AQP4: variants seen among roughly 807,000 people sequenced by gnomAD.
The protein encoded by AQP4 is aquaporin-4.
Under a neutral mutation model 27.8 loss-of-function variants are expected in AQP4, and 18 were observed. The ratio of observed to expected loss-of-function variants is 0.65; its 90% CI spans 0.45 to 0.96. The LOEUF (loss-of-function observed/expected upper bound fraction) is 0.96. Ranked by LOEUF, AQP4 falls within the 40% of genes least tolerant of loss-of-function variation. The pLI is 0.00. For missense variants in AQP4, 412 were observed against 408.2 expected (o/e 1.01, Z -0.08); for synonymous variants, 141 against 142.9 (o/e 0.99, Z 0.10).
chr18:26,860,736 C>G (rs761501974), intron 4 of AQP4, 36 bp downstream of exon 4: 3 of 1,565,488 alleles, frequency 1.9e-6, no homozygotes, highest in South Asian at 2.2e-5. Context: ...TTGTCCTCAA[C>G]TGTAGGAAGA....
chr18:26,863,403 C>T (rs1432261727), intron 1 of AQP4, among the ~76,000 whole-genome samples: 2 of 152,196 alleles, frequency 1.3e-5, no homozygotes, highest in Non-Finnish European at 1.5e-5. Context: ...ATTCCCGGCC[C>T]GTGGCAGGCT....
rs1157260087 is a variant in AQP4 at position 26,865,403 on chromosome 18, C to G, written c.32+255G>C. On this transcript the variant is annotated intron_variant, in intron 1 of 4. Coordinates refer to ENST00000383168, the MANE Select transcript of AQP4 (RefSeq NM_001650.7). Reference sequence around the variant, plus strand: ...AGAAATGTACTATAGCTAGATTCACCTCCATAGGGTAATTTTCCTGGGCTT... The same window carrying G: ...AGAAATGTACTATAGCTAGATTCACGTCCATAGGGTAATTTTCCTGGGCTT... The G allele has an allele frequency of 6.7e-6, 4 of 592,914 alleles. No homozygotes were observed. The African/African-American group carries it at 7.4e-5, about 11-fold the overall frequency. The allele number at this position is 592,914 out of a possible 1,614,324, so 36.7% of individuals were successfully genotyped here.
Position 26,861,113 on chromosome 18 carries a change from A to G in AQP4, c.612+18T>C. 6.2e-7 allele frequency: 1 copy of G among 1,613,788 alleles called. No individual in the cohort carries two copies. Among genetic ancestry groups the G allele is most frequent in the Admixed American group, 1.7e-5 (1 of 60,020 alleles). ...AAATGAGGTGGGATTGATTATTTAA[A>G]TGGACTTGGAAACTTACTGCAAATA... is the stretch of plus-strand genomic sequence containing the variant. On this transcript the variant is annotated intron_variant, in intron 3 of 4. Transcript: ENST00000383168.
intron 1 of AQP4, chr18:26,862,998 G>C: frequency 6.2e-6 from 1 of 162,044 alleles, no homozygotes; most frequent in South Asian, 1.2e-4. Context: ...GGTGTGCGTG[G>C]GGGGGGGGGG....
intron 1 of AQP4, among the ~76,000 whole-genome samples, chr18:26,864,326 G>T (rs1051906738): frequency 2.6e-5 from 4 of 152,138 alleles, no homozygotes; most frequent in African/African-American, 9.7e-5. Flanking sequence ...TTTGCTATGG[G>T]GCTTTGCTTT....
At chr18:26,863,595 A>G (rs565448123) in intron 1 of AQP4, among the ~76,000 whole-genome samples, 1 of 152,266 alleles carries the variant, frequency 6.6e-6, no homozygotes, top group East Asian at 1.9e-4. Context: ...CTGACCGTAC[A>G]ATGCAGATAA....
In AQP4 at chr18:26,853,025, G is replaced by A. The variant is rs2054778135; in HGVS notation, c.*3186C>T. The A allele has an allele frequency of 2.5e-6, 1 of 396,898 alleles. No homozygotes were observed. Among genetic ancestry groups the A allele is most frequent in the Non-Finnish European group, 4.4e-6 (1 of 225,236 alleles). 24.6% of individuals were successfully genotyped at this position (396,898 alleles called of 1,614,324 possible). On this transcript the variant is annotated 3_prime_UTR_variant, in exon 5 of 5. Transcript: ENST00000383168. Reference sequence around the variant, plus strand: ...TTATCGAGTTTAAACCAATACATGTGTTGTCTGGTTTCATGGTCTGAGAAC... The same window carrying A: ...TTATCGAGTTTAAACCAATACATGTATTGTCTGGTTTCATGGTCTGAGAAC...
chr18:26,862,452 C>G lies in AQP4; in HGVS notation c.177G>C (p.Trp59Cys), dbSNP rs757911333. 1 of 1,614,066 alleles carries G rather than the reference C, an allele frequency of 6.2e-7. No homozygotes were observed. Among genetic ancestry groups the G allele is most frequent in the Non-Finnish European group, 8.5e-7 (1 of 1,180,036 alleles). The change falls in exon 2 of 5, where the codon TGG becomes TGC. Residue 59 changes from tryptophan to cysteine, a missense_variant. Coordinates refer to ENST00000383168, the MANE Select transcript of AQP4 (RefSeq NM_001650.7). ...CCGGTAAAGGCTTTTCTGTTCCACC[C>G]CAGTTGATGGTGGATCCCAGGCTGA... ...VLLSLGSTIN[W>C]GGTEKPLPVD...
intron 2 of AQP4, among the ~76,000 whole-genome samples, chr18:26,861,587 T>G (rs1480020375): frequency 6.6e-6 from 1 of 152,194 alleles, no homozygotes; most frequent in Non-Finnish European, 1.5e-5. Context: ...AGCACTTAAC[T>G]CGTAAAAGAA....
rs1301409745 is a variant in AQP4, at chr18:26,862,491, A to G, written c.138T>C (p.Leu46=). The G allele has an allele frequency of 6.2e-7, 1 of 1,614,108 alleles. No homozygotes were observed. Among genetic ancestry groups the G allele is most frequent in the Non-Finnish European group, 8.5e-7 (1 of 1,180,048 alleles). ...KAVTAEFLAM[L]IFVLLSLGST... Reference sequence around the variant, plus strand: ...ATCCCAGGCTGAGGAGAACAAAAATAAGCATGGCCAGAAATTCCGCTGTGA... The same window carrying G: ...ATCCCAGGCTGAGGAGAACAAAAATGAGCATGGCCAGAAATTCCGCTGTGA... The change falls in exon 2 of 5, where the codon CTT becomes CTC. Residue 46 remains leucine (L), a synonymous_variant. Coordinates refer to ENST00000383168, the MANE Select transcript of AQP4 (RefSeq NM_001650.7).
chr18:26,864,537 CG>C (rs1461704188), intron 1 of AQP4, among the ~76,000 whole-genome samples: 5 of 152,100 alleles, frequency 3.3e-5, no homozygotes, highest in African/African-American at 1.2e-4. Context: ...GAGACAAAAA[CG>C]ATGGTTGCAA....
Position 26,862,240 on chromosome 18 carries a change from G to A in AQP4, c.389C>T (p.Ala130Val), listed in dbSNP as rs1384043903. ...AAQCLGAIIG[A>V]GILYLVTPPS... Reference sequence around the variant, plus strand: ...AGGTGTGACCAGATAGAGGATTCCTGCTCCAATGATGGCCCCCAGGCACTG... The same window carrying A: ...AGGTGTGACCAGATAGAGGATTCCTACTCCAATGATGGCCCCCAGGCACTG... Residue 130 changes from alanine to valine, a missense_variant, in exon 2 of 5, where the codon GCA becomes GTA. Physicochemically the swap from Ala to Val is moderately conservative, Grantham distance 64 (BLOSUM62 0). Transcript: ENST00000383168. 3 of 1,614,176 alleles carry A rather than the reference G, an allele frequency of 1.9e-6. No individual in the cohort carries two copies. Among genetic ancestry groups the A allele is most frequent in the African/African-American group, 2.7e-5 (2 of 75,042 alleles).
chr18:26,864,871 A>G (rs1334617152), intron 1 of AQP4, among the ~76,000 whole-genome samples: 1 of 151,976 alleles, frequency 6.6e-6, no homozygotes, highest in Non-Finnish European at 1.5e-5. Context: ...TTCACCTCTC[A>G]CTTCTGCCAT....
intron 4 of AQP4, 42 bp from the exon 5 acceptor site, chr18:26,856,531 AG>A: frequency 6.2e-7 from 1 of 1,604,216 alleles, no homozygotes; most frequent in Non-Finnish European, 8.5e-7. Flanking sequence ...AGTAGAGAAA[AG>A]CTATTCCATT....
rs200221507 is a variant in AQP4, at chr18:26,862,510, G to T, written c.119C>A (p.Ala40Glu). Residue 40 changes from alanine to glutamate, a missense_variant, in exon 2 of 5, where the codon GCG (alanine) becomes GAG (glutamate). By Grantham distance (107) the Ala-to-Glu change is moderately radical. Coordinates refer to ENST00000383168, the MANE Select transcript of AQP4 (RefSeq NM_001650.7). ...WTQAFWKAVT[A>E]EFLAMLIFVL... Reference sequence around the variant, plus strand: ...AAAAATAAGCATGGCCAGAAATTCCGCTGTGACTGCTTTCCAGAAAGCTTG... The same window carrying T: ...AAAAATAAGCATGGCCAGAAATTCCTCTGTGACTGCTTTCCAGAAAGCTTG... 1 of 1,614,148 alleles carries T rather than the reference G, an allele frequency of 6.2e-7. No homozygotes were observed. The highest frequency in any genetic ancestry group is 8.5e-7 in the Non-Finnish European group (1 of 1,180,024).
intron 1 of AQP4, chr18:26,863,070 C>T: frequency 5.1e-6 from 1 of 194,834 alleles, no homozygotes; most frequent in South Asian, 9.1e-5. Context: ...CTCCCCCTCC[C>T]CCCAGACTCT....
In AQP4 at chr18:26,854,411, A is replaced by G. The variant is rs2054805687; in HGVS notation, c.*1800T>C. On this transcript the variant is annotated 3_prime_UTR_variant, in exon 5 of 5. Coordinates refer to ENST00000383168, the MANE Select transcript of AQP4 (RefSeq NM_001650.7). ...TTGGGAGATTTGTACCCTAGTTTCTATAGGTGCCGTCCCAGCCAGGAAGTA... is the reference window on the plus strand; with the variant it reads ...TTGGGAGATTTGTACCCTAGTTTCTGTAGGTGCCGTCCCAGCCAGGAAGTA... The G allele has an allele frequency of 2.0e-5, 3 of 152,400 alleles. No individual in the cohort carries two copies. Among genetic ancestry groups the G allele is most frequent in the African/African-American group, 7.2e-5 (3 of 41,564 alleles). 9.4% of individuals were successfully genotyped at this position (152,400 alleles called of 1,614,324 possible).
chr18:26,862,726 A>G lies in AQP4; in HGVS notation c.33-130T>C, dbSNP rs1598517457. The G allele has an allele frequency of 6.7e-6, 8 of 1,198,032 alleles. No homozygotes were observed. The East Asian group carries it at 1.9e-4, about 28-fold the overall frequency. The allele number at this position is 1,198,032 out of a possible 1,614,324, so 74.2% of individuals were successfully genotyped here. A position where few individuals can be genotyped will look rare whatever the true frequency, so the allele number is the denominator to read the frequency against. On this transcript the variant is annotated intron_variant, in intron 1 of 4. Coordinates refer to ENST00000383168, the MANE Select transcript of AQP4 (RefSeq NM_001650.7). ...GCCAGGCGTGATTTGCACACCAAGAAAGAATGCTTCTGCTAAAGCTCCTTC... is the reference window on the plus strand; with the variant it reads ...GCCAGGCGTGATTTGCACACCAAGAGAGAATGCTTCTGCTAAAGCTCCTTC...
At position 26,860,752 on chromosome 18, in the gene AQP4, A is replaced by G. The variant is rs2054926149; in HGVS notation, c.693+20T>C. On this transcript the variant is annotated intron_variant, in intron 4 of 4. Transcript: ENST00000383168. ...TGTCCTCAACTGTAGGAAGATGGGA[A>G]CTATCAATATGAGGGTTACCCAATG... is the stretch of plus-strand genomic sequence containing the variant. The G allele has an allele frequency of 1.3e-6, 2 of 1,597,360 alleles. No homozygotes were observed. Among genetic ancestry groups the G allele is most frequent in the Non-Finnish European group, 1.7e-6 (2 of 1,164,726 alleles).
Sources: gnomAD v4.1 joint callset for allele counts (sites outside exome capture counted in the v4.1 genomes callset) on GRCh38, gnomAD v4.1.1 for gene constraint, MANE v1.5 for transcripts, NCBI Gene and HGNC (gene_info 2026-07-23, HGNC 2026-07-21) for gene names.